The following SLC13A3 variants were observed in gnomAD, a reference collection of about 807,000 sequenced individuals.
SLC13A3 encodes Na(+)/dicarboxylate cotransporter 3.
Under a neutral mutation model 59.0 loss-of-function variants are expected in SLC13A3, and 40 were observed. The observed-to-expected ratio is 0.68, with a 90% CI of 0.53 to 0.88. The LOEUF is 0.88. Among genes scored for constraint, SLC13A3 ranks in the 40% least tolerant of loss-of-function variants. The probability of loss-of-function intolerance (pLI) is 0.00; values close to 1 mark genes in which losing one functional copy is unlikely to be tolerated. For synonymous variants in SLC13A3, 317 were observed against 330.3 expected, an observed-to-expected ratio of 0.96 and a Z score of 0.44; for missense variants, 699 against 783.2, an observed-to-expected ratio of 0.89 and a Z score of 1.28.
intron 11 of SLC13A3, among the ~76,000 whole-genome samples, chr20:46,564,560 G>A (rs542911559): frequency 9.7e-4 from 147 of 152,226 alleles, no homozygotes; most frequent in Middle Eastern, 3.4e-3. Flanking sequence ...TCTATGCTCC[G>A]TCTCCGTCCC....
At chr20:46,608,177 G>A (rs1474370034) in intron 3 of SLC13A3, among the ~76,000 whole-genome samples, 6 of 152,100 alleles carry the variant, frequency 3.9e-5, no homozygotes, top group Admixed American at 6.5e-5. Context: ...CCAGCCCACC[G>A]CCTGTTTTTG....
intron 8 of SLC13A3, among the ~76,000 whole-genome samples, chr20:46,586,423 C>G (rs543901548): frequency 1.7e-3 from 253 of 152,266 alleles, no homozygotes; most frequent in Non-Finnish European, 2.5e-3. Context: ...TGCTGGGGTT[C>G]CTCATGGTCT....
At chr20:46,684,418 C>T (rs1450635399) in exon 1 of SLC13A3, 1 of 152,172 alleles carries the variant, frequency 6.6e-6, no homozygotes, top group African/African-American at 2.4e-5. Flanking sequence ...CTGGGGATGC[C>T]TCAGAAAACT....
intron 8 of SLC13A3, among the ~76,000 whole-genome samples, chr20:46,584,720 C>T (rs1020643040): frequency 6.6e-6 from 1 of 152,178 alleles, no homozygotes; most frequent in Non-Finnish European, 1.5e-5. Flanking sequence ...GGGCATTTGG[C>T]AACATGTTTC....
At chr20:46,679,608 C>A (rs931549982) in intron 1 of SLC13A3, among the ~76,000 whole-genome samples, 1 of 147,514 alleles carries the variant, frequency 6.8e-6, no homozygotes, top group African/African-American at 2.5e-5. Flanking sequence ...AGCGAGACTC[C>A]GTCTCAAAAA....
In SLC13A3 at chr20:46,613,682, C is replaced by A. The variant is rs759328281; in HGVS notation, c.155G>T (p.Trp52Leu). 13 of 1,610,798 alleles carry A rather than the reference C, an allele frequency of 8.1e-6. No homozygotes were observed. Among genetic ancestry groups the A allele is most frequent in the Non-Finnish European group, 1.1e-5 (13 of 1,178,650 alleles). Residue 52 changes from tryptophan to leucine, a missense_variant, in exon 2 of 13, where the codon TGG becomes TTG. Coordinates refer to ENST00000279027, the MANE Select transcript of SLC13A3 (RefSeq NM_022829.6). The stretch of plus-strand genomic sequence containing the variant: ...TGAGAGCGGCAGGGCCTCCGTGCAC[C>A]AGTACACCGCCATGAGCAGGATGAC... ...LFVILLMAVYWCTEALPLSVT... is the reference protein window; with the variant it reads ...LFVILLMAVYLCTEALPLSVT...
chr20:46,614,648 T>C (rs530070277), intron 1 of SLC13A3, among the ~76,000 whole-genome samples: 1 of 152,286 alleles, frequency 6.6e-6, no homozygotes, highest in Non-Finnish European at 1.5e-5. Context: ...CCAGGTGCTA[T>C]TTATTCCTAA....
chr20:46,567,402 T>C (rs926775066), intron 10 of SLC13A3, among the ~76,000 whole-genome samples: 1 of 152,170 alleles, frequency 6.6e-6, no homozygotes, highest in Admixed American at 6.5e-5. Context: ...GTTCCTGTTT[T>C]ACTGAGGAGG....
intron 1 of SLC13A3, among the ~76,000 whole-genome samples, chr20:46,676,341 C>G (rs1409622304): frequency 6.6e-6 from 1 of 151,766 alleles, no homozygotes; most frequent in Non-Finnish European, 1.5e-5. Flanking sequence ...ACTTGTCCAT[C>G]CCCCGAGAAG....
upstream of SLC13A3, among the ~76,000 whole-genome samples, chr20:46,670,430 C>T (rs979392115): frequency 6.6e-6 from 1 of 152,220 alleles, no homozygotes; most frequent in Non-Finnish European, 1.5e-5. Context: ...CCCTCCCACA[C>T]TGACTCTGGG....
intron 1 of SLC13A3, among the ~76,000 whole-genome samples, chr20:46,643,583 C>T (rs1285191312): frequency 2.6e-5 from 4 of 152,114 alleles, no homozygotes; most frequent in East Asian, 3.9e-4. Flanking sequence ...AGCAAGGAAA[C>T]GGGGACCAGA....
intron 10 of SLC13A3, among the ~76,000 whole-genome samples, chr20:46,573,427 C>T (rs2062047007): frequency 6.6e-6 from 1 of 152,222 alleles, no homozygotes. Flanking sequence ...GGGGCTGGGA[C>T]TGCCTCCAGC....
Position 46,559,943 on chromosome 20 carries a change from G to T in SLC13A3, c.*79C>A. 1 of 1,393,612 alleles carries T rather than the reference G, an allele frequency of 7.2e-7. No homozygotes were observed. Among genetic ancestry groups the T allele is most frequent in the Non-Finnish European group, 1.0e-6 (1 of 997,708 alleles). 86.3% of individuals were successfully genotyped at this position (1,393,612 alleles called of 1,614,324 possible). A position where few individuals can be genotyped will look rare whatever the true frequency, so the allele number is the denominator to read the frequency against. ...GATTACAGAAAAGAATTATTTGATT[G>T]TTTTGTAGTGTCCTAGCAGCAGGTG... is the stretch of plus-strand genomic sequence containing the variant. On this transcript the variant is annotated 3_prime_UTR_variant, in exon 13 of 13. Coordinates refer to ENST00000279027, the MANE Select transcript of SLC13A3 (RefSeq NM_022829.6).
intron 1 of SLC13A3, among the ~76,000 whole-genome samples, chr20:46,616,441 C>T (rs1370452707): frequency 6.6e-6 from 1 of 152,202 alleles, no homozygotes; most frequent in Admixed American, 6.5e-5. Context: ...CAGATCATCA[C>T]CAAGCCCCTA....
chr20:46,638,079 G>A (rs2062811653), intron 1 of SLC13A3, among the ~76,000 whole-genome samples: 1 of 152,202 alleles, frequency 6.6e-6, no homozygotes, highest in Admixed American at 6.5e-5. Flanking sequence ...AGAAAGGTGA[G>A]AGCCAGGCCT....
chr20:46,655,860 T>C (rs2062983319), upstream of SLC13A3, among the ~76,000 whole-genome samples: 1 of 137,560 alleles, frequency 7.3e-6, no homozygotes, highest in Non-Finnish European at 1.6e-5. Flanking sequence ...ATATAATATA[T>C]ATACTGTACA....
chr20:46,642,699 C>T (rs1394991904), intron 1 of SLC13A3, among the ~76,000 whole-genome samples: 1 of 152,204 alleles, frequency 6.6e-6, no homozygotes, highest in Non-Finnish European at 1.5e-5. Flanking sequence ...GAAGCCTTCC[C>T]AGCTTGTCAG....
intron 5 of SLC13A3, among the ~76,000 whole-genome samples, chr20:46,595,312 T>C (rs563051691): frequency 1.3e-5 from 2 of 152,322 alleles, no homozygotes; most frequent in South Asian, 4.1e-4. Context: ...ATCTTTTCTT[T>C]TCTCTTTTCT....
chr20:46,642,222 A>C (rs1379166678), intron 1 of SLC13A3, among the ~76,000 whole-genome samples: 2 of 152,200 alleles, frequency 1.3e-5, no homozygotes, highest in Non-Finnish European at 2.9e-5. Flanking sequence ...CAAATAAAAC[A>C]AATTCCATTA....
Sources: gnomAD v4.1 joint callset for allele counts (sites outside exome capture counted in the v4.1 genomes callset) on GRCh38, gnomAD v4.1.1 for gene constraint, MANE v1.5 for transcripts, NCBI Gene and HGNC (gene_info 2026-07-23, HGNC 2026-07-21) for gene names.